Variants in PDZD2 observed in about 807,000 individuals in gnomAD.
PDZD2 encodes the protein PDZ domain-containing protein 2.
PDZD2 carries 90 observed loss-of-function variants against 220.7 expected under a neutral mutation model. That is an observed-to-expected ratio of 0.41 (90% CI 0.34 to 0.49). The LOEUF is 0.49. PDZD2 is among the 20% of genes least tolerant of loss of function. PDZD2 has a pLI of 0.28. For synonymous variants in PDZD2, 1,375 were observed against 1,450.5 expected (o/e 0.95, Z 1.18); for missense variants, 3,174 against 3,608.5 (o/e 0.88, Z 3.08).
chr5:32,110,433 A>AGAT lies in PDZD2; in HGVS notation c.*2299_*2301dup, dbSNP rs1307019736. On this transcript the variant is annotated 3_prime_UTR_variant, in exon 25 of 25. Transcript: ENST00000438447. ...AAAAGCTAAACTGTCTTTGACCCTA[A>AGAT]GATAGATAGAAAGCTATTTATTTGT... 2.6e-5 allele frequency: 4 copies of AGAT among 152,416 alleles called. No individual in the cohort carries two copies. In the South Asian group the frequency reaches 6.2e-4, roughly 24 times the overall value. 9.4% of individuals were successfully genotyped at this position (152,416 alleles called of 1,614,324 possible). A position where few individuals can be genotyped will look rare whatever the true frequency, so the allele number is the denominator to read the frequency against.
rs1307630133 is a variant in PDZD2 at position 32,088,393 on chromosome 5, G to GTA, written c.4945_4946insTA (p.Ala1649ValfsTer24). The GTA allele has an allele frequency of 6.2e-7, 1 of 1,613,824 alleles. No homozygotes were observed. The highest frequency in any genetic ancestry group is 1.3e-5 in the African/African-American group (1 of 74,880). On this transcript the variant is annotated frameshift_variant, in exon 20 of 25. Coordinates refer to ENST00000438447, the MANE Select transcript of PDZD2 (RefSeq NM_178140.4). LOFTEE classifies it high-confidence loss of function. This position sits in a 1 kb window ranked among gnomAD's most constrained non-coding sequence, Gnocchi z 4.6. ...GTCGGTGGCCAGTCCCCGTGAGAAG[G>GTA]CCGCCTGCTTGCCAGGCTCATACAC...
intron 1 of PDZD2, among the ~76,000 whole-genome samples, chr5:31,663,007 G>A (rs529869724): frequency 2.0e-5 from 3 of 152,270 alleles, no homozygotes; most frequent in South Asian, 2.1e-4. Context: ...GGTGGGACAC[G>A]GACATTCAGG....
At chr5:31,738,926 C>G (rs181829037) in intron 1 of PDZD2, among the ~76,000 whole-genome samples, 3 of 151,696 alleles carry the variant, frequency 2.0e-5, no homozygotes, top group Admixed American at 2.0e-4. Context: ...TGCTCTGTCG[C>G]TCAGGCTGGA....
intron 21 of PDZD2, among the ~76,000 whole-genome samples, chr5:32,093,982 A>T (rs940483618): frequency 3.7e-5 from 5 of 134,920 alleles, no homozygotes; most frequent in Admixed American, 1.5e-4. Context: ...CATCTCAATT[A>T]AAAAAAAAAA....
chr5:31,932,591 C>A lies in PDZD2; in HGVS notation c.477-50564C>A, dbSNP rs552608999. Among the ~76,000 whole-genome samples the A allele has an allele frequency of 2.6e-5, 4 of 152,034 alleles. No homozygotes were observed. In the South Asian group the frequency reaches 8.3e-4, roughly 32 times the overall value. ...AAGAAAGAAAGAAAGAAAATCCAGG[C>A]TCCATTGACTTCACACACTTAATAT... On this transcript the variant is annotated intron_variant, in intron 2 of 24. Transcript: ENST00000438447.
At chr5:31,916,639 G>A (rs944708501) in intron 2 of PDZD2, among the ~76,000 whole-genome samples, 11 of 150,074 alleles carry the variant, frequency 7.3e-5, no homozygotes, top group Non-Finnish European at 1.0e-4. Flanking sequence ...AGACTGTGAC[G>A]TTGCACGTGT....
At chr5:31,933,425 C>T (rs1745472605) in intron 2 of PDZD2, among the ~76,000 whole-genome samples, 1 of 152,076 alleles carries the variant, frequency 6.6e-6, no homozygotes, top group African/African-American at 2.4e-5. Context: ...CGTGTGTCTG[C>T]TTTCGGTTCT....
At chr5:31,800,427 G>C (rs1388266817) in intron 2 of PDZD2, among the ~76,000 whole-genome samples, 1 of 152,064 alleles carries the variant, frequency 6.6e-6, no homozygotes. Context: ...CTTGGGGGTG[G>C]GTCATGTAAA....
Position 31,639,812 on chromosome 5 carries a change from G to A in PDZD2, c.-361+375G>A, listed in dbSNP as rs1230641027. On this transcript the variant is annotated intron_variant, in intron 1 of 24. Transcript: ENST00000438447. This position sits in a 1 kb window ranked among gnomAD's most constrained non-coding sequence, Gnocchi z 4.1. ...GGGCCGTCTTCTGGTCCCTTCCTCC[G>A]ACAGGAGTGGAGGTACTCAGGTACT... Among the ~76,000 whole-genome samples, 2 of 152,182 alleles carry A rather than the reference G, an allele frequency of 1.3e-5. No individual in the cohort carries two copies. Among genetic ancestry groups the A allele is most frequent in the African/African-American group, 4.8e-5 (2 of 41,454 alleles).
chr5:32,078,475 C>CA (rs1336181725), intron 19 of PDZD2, among the ~76,000 whole-genome samples: 1 of 151,008 alleles, frequency 6.6e-6, no homozygotes, highest in Non-Finnish European at 1.5e-5. Context: ...ACTAAAAAGA[C>CA]AAAAAAATTA....
intron 2 of PDZD2, among the ~76,000 whole-genome samples, chr5:31,950,123 G>A (rs1490050841): frequency 1.3e-5 from 2 of 152,126 alleles, no homozygotes; most frequent in Non-Finnish European, 2.9e-5. Flanking sequence ...TTTGTAGTTG[G>A]CTCTGTCATG....
chr5:31,887,890 A>G (rs1210186573), intron 2 of PDZD2, among the ~76,000 whole-genome samples: 1 of 152,158 alleles, frequency 6.6e-6, no homozygotes, highest in Non-Finnish European at 1.5e-5. Flanking sequence ...GGACAGTTAC[A>G]CATAGCTTTG....
At chr5:31,868,360 G>A (rs1474227648) in intron 2 of PDZD2, among the ~76,000 whole-genome samples, 3 of 152,102 alleles carry the variant, frequency 2.0e-5, no homozygotes, top group African/African-American at 2.4e-5. Context: ...CAGGAGAATC[G>A]CTTGGGCCTG....
chr5:32,039,530 G>C (rs575224442), intron 7 of PDZD2, among the ~76,000 whole-genome samples: 1 of 152,104 alleles, frequency 6.6e-6, no homozygotes, highest in African/African-American at 2.4e-5. Flanking sequence ...CCGCCACCCC[G>C]TCTTAAGAAG....
chr5:31,858,419 T>G (rs1758648942), intron 2 of PDZD2, among the ~76,000 whole-genome samples: 1 of 152,230 alleles, frequency 6.6e-6, no homozygotes, highest in Non-Finnish European at 1.5e-5. Flanking sequence ...AGATGTGATC[T>G]GACTCCATCT....
intron 6 of PDZD2, among the ~76,000 whole-genome samples, chr5:32,017,312 G>A (rs1346390499): frequency 1.3e-5 from 2 of 151,992 alleles, no homozygotes; most frequent in African/African-American, 2.4e-5. Flanking sequence ...GGTGGCTCAC[G>A]CCTGTAATCC....
Position 32,109,512 on chromosome 5 carries a change from C to CTTA in PDZD2, c.*1380_*1382dup, listed in dbSNP as rs1554046114. Reference sequence around the variant, plus strand: ...TGGCTTTTCTCTCCTCATGATGTACCTTATTTTCTTAGGTAAATAATTCCA... The same window carrying CTTA: ...TGGCTTTTCTCTCCTCATGATGTACCTTATTATTTTCTTAGGTAAATAATTCCA... On this transcript the variant is annotated 3_prime_UTR_variant, in exon 25 of 25. Coordinates refer to ENST00000438447, the MANE Select transcript of PDZD2 (RefSeq NM_178140.4). 2.0e-5 allele frequency: 3 copies of CTTA among 152,066 alleles called. No homozygotes were observed. Among genetic ancestry groups the CTTA allele is most frequent in the African/African-American group, 7.3e-5 (3 of 41,374 alleles). The allele number at this position is 152,066 out of a possible 1,614,324, so 9.4% of individuals were successfully genotyped here.
At chr5:32,050,805 A>G (rs1402765311) in intron 8 of PDZD2, among the ~76,000 whole-genome samples, 2 of 152,142 alleles carry the variant, frequency 1.3e-5, no homozygotes, top group Non-Finnish European at 2.9e-5. Context: ...TAGGTGATAG[A>G]GTGAGAGACT....
chr5:31,816,647 C>G (rs185686312), intron 2 of PDZD2, among the ~76,000 whole-genome samples: 1 of 152,064 alleles, frequency 6.6e-6, no homozygotes, highest in Admixed American at 6.5e-5. Flanking sequence ...ATTTTTAAAT[C>G]TTCCAAAGAA....
Sources: allele counts gnomAD v4.1 joint callset (sites outside exome capture counted in the v4.1 genomes callset), GRCh38; gene constraint gnomAD v4.1.1; non-coding constraint Gnocchi (gnomAD v3.1); transcripts MANE v1.5; gene names NCBI Gene and HGNC (gene_info 2026-07-23, HGNC 2026-07-21).